Variants in ERC2 observed in about 807,000 individuals in gnomAD.
ERC2 encodes ELKS/RAB6-interacting/CAST family member 2, also known as ERC protein 2.
In ERC2, 42 loss-of-function variants were observed where a neutral mutation model predicts 114.8. That is an observed-to-expected ratio of 0.37 (90% CI 0.29 to 0.47). The LOEUF is 0.47. Among genes scored for constraint, ERC2 ranks in the 20% least tolerant of loss-of-function variants. The probability of loss-of-function intolerance (pLI) is 0.99; values close to 1 mark genes in which losing one functional copy is unlikely to be tolerated. For synonymous variants in ERC2, 454 were observed against 425.5 expected (o/e 1.07, Z -0.82); for missense variants, 939 against 1,150.7 (o/e 0.82, Z 2.66).
Position 55,510,292 on chromosome 3 carries a change from C to T in ERC2, c.*1024G>A, listed in dbSNP as rs1285173129. 1.3e-5 allele frequency: 2 copies of T among 152,310 alleles called. No homozygotes were observed. The highest frequency in any genetic ancestry group is 2.9e-5 in the Non-Finnish European group (2 of 68,004). 9.4% of individuals were successfully genotyped at this position (152,310 alleles called of 1,614,324 possible). A position where few individuals can be genotyped will look rare whatever the true frequency, so the allele number is the denominator to read the frequency against. ...AAAAAAAAAAAAAAAGAGAAATGAC[C>T]CTTCATTTACAGAAAATCTAAGCTT... is the stretch of plus-strand genomic sequence containing the variant. On this transcript the variant is annotated 3_prime_UTR_variant, in exon 18 of 18. Transcript: ENST00000288221.
chr3:56,430,327 G>A (rs946242724), intron 2 of ERC2, among the ~76,000 whole-genome samples: 1 of 152,078 alleles, frequency 6.6e-6, no homozygotes, highest in Non-Finnish European at 1.5e-5. Context: ...TATGGTAAAT[G>A]GTGAAAACCC....
At chr3:55,581,935 A>G (rs2057282322) in intron 17 of ERC2, among the ~76,000 whole-genome samples, 1 of 152,072 alleles carries the variant, frequency 6.6e-6, no homozygotes, top group Non-Finnish European at 1.5e-5. Flanking sequence ...ATACCCAAGA[A>G]CTTTGAAATA....
intron 3 of ERC2, among the ~76,000 whole-genome samples, chr3:56,263,709 C>T (rs1291575674): frequency 6.6e-6 from 1 of 152,176 alleles, no homozygotes; most frequent in East Asian, 1.9e-4. Flanking sequence ...CAGATGGCTT[C>T]ACTGCTGAAT....
intron 15 of ERC2, among the ~76,000 whole-genome samples, chr3:55,729,829 C>A: frequency 7.3e-5 from 1 of 13,736 alleles, no homozygotes; most frequent in East Asian, 2.4e-3. Context: ...TGCAGTGAGA[C>A]TCTATCGCAA....
At chr3:56,087,918 A>C (rs2077589706) in intron 6 of ERC2, among the ~76,000 whole-genome samples, 1 of 152,182 alleles carries the variant, frequency 6.6e-6, no homozygotes, top group Non-Finnish European at 1.5e-5. Flanking sequence ...AGACACAAAC[A>C]CTAAAAATAA....
intron 14 of ERC2, among the ~76,000 whole-genome samples, chr3:55,736,757 T>TTGC (rs1215822264): frequency 1.3e-5 from 2 of 152,194 alleles, no homozygotes; most frequent in African/African-American, 4.8e-5. Context: ...TTAGAATGCT[T>TTGC]TGCTTCCTGC....
At chr3:55,733,196 T>C (rs1195004973) in intron 15 of ERC2, among the ~76,000 whole-genome samples, 1 of 152,084 alleles carries the variant, frequency 6.6e-6, no homozygotes, top group Non-Finnish European at 1.5e-5. Context: ...AGAAAGACGC[T>C]CATTTTGACT....
At position 56,082,557 on chromosome 3, in the gene ERC2, T is replaced by C. The variant is rs371090346; in HGVS notation, c.1474-1573A>G. Among the ~76,000 whole-genome samples, 5 of 152,168 alleles carry C rather than the reference T, an allele frequency of 3.3e-5. No homozygotes were observed. The East Asian group carries it at 9.6e-4, about 29-fold the overall frequency. ...AAAGACACCTTAACACTTGATTGTA[T>C]GTCAAAGCCAGGGTTAGAACAATCC... On this transcript the variant is annotated intron_variant, in intron 6 of 17. Transcript: ENST00000288221.
At chr3:56,166,951 C>T (rs548367706) in intron 4 of ERC2, among the ~76,000 whole-genome samples, 25 of 152,102 alleles carry the variant, frequency 1.6e-4, no homozygotes, top group South Asian at 4.1e-4. Context: ...TGGTTTAATG[C>T]GATCTACCAC....
At chr3:56,264,221 G>A (rs1419218169) in intron 3 of ERC2, among the ~76,000 whole-genome samples, 1 of 152,092 alleles carries the variant, frequency 6.6e-6, no homozygotes, top group Non-Finnish European at 1.5e-5. Context: ...AAAACTAAAA[G>A]CTTTTTCCTT....
chr3:55,847,135 T>C (rs1366077363), intron 14 of ERC2, among the ~76,000 whole-genome samples: 1 of 152,180 alleles, frequency 6.6e-6, no homozygotes, highest in Non-Finnish European at 1.5e-5. Flanking sequence ...ACAAATAGAT[T>C]TATCAGATGT....
At chr3:55,774,152 C>A (rs1259855081) in intron 14 of ERC2, among the ~76,000 whole-genome samples, 1 of 152,176 alleles carries the variant, frequency 6.6e-6, no homozygotes, top group Non-Finnish European at 1.5e-5. Flanking sequence ...TCAGGCTAGA[C>A]TGGGTAAAAC....
At chr3:55,643,895 G>A (rs942394257) in intron 17 of ERC2, among the ~76,000 whole-genome samples, 1 of 152,150 alleles carries the variant, frequency 6.6e-6, no homozygotes, top group Non-Finnish European at 1.5e-5. Context: ...TTTGGTCTCT[G>A]AGTTTCAAGA....
chr3:55,941,234 C>T (rs2066765489), intron 13 of ERC2, among the ~76,000 whole-genome samples: 1 of 151,998 alleles, frequency 6.6e-6, no homozygotes, highest in South Asian at 2.1e-4. Flanking sequence ...CGTGTACCTG[C>T]CATGGGTGTC....
At chr3:55,685,011 G>A (rs1329860527) in intron 16 of ERC2, among the ~76,000 whole-genome samples, 2 of 152,066 alleles carry the variant, frequency 1.3e-5, no homozygotes, top group African/African-American at 4.8e-5. Context: ...CCAATATTTG[G>A]CCATTTTTAC....
Position 55,694,064 on chromosome 3 carries a change from C to G in ERC2, c.2847+5314G>C, listed in dbSNP as rs560882485. ...AAACAAAATAGGATAAAATTTACTA[C>G]AATTCCATGGGAAAGGGAAAAAGCA... On this transcript the variant is annotated intron_variant, in intron 16 of 17. Coordinates refer to ENST00000288221, the MANE Select transcript of ERC2 (RefSeq NM_015576.3). Among the ~76,000 whole-genome samples the G allele has an allele frequency of 9.2e-5, 14 of 152,258 alleles. No homozygotes were observed. The South Asian group carries it at 2.9e-3, about 32-fold the overall frequency.
chr3:55,765,111 T>C (rs886489115), intron 14 of ERC2, among the ~76,000 whole-genome samples: 1 of 152,164 alleles, frequency 6.6e-6, no homozygotes, highest in Non-Finnish European at 1.5e-5. Flanking sequence ...CTGAGTCTCC[T>C]ACAAGTCCAC....
intron 17 of ERC2, among the ~76,000 whole-genome samples, chr3:55,671,779 G>A (rs948490169): frequency 4.6e-5 from 7 of 152,112 alleles, no homozygotes; most frequent in Non-Finnish European, 1.0e-4. Flanking sequence ...CTTGGAAAAT[G>A]GCTCATCCTA....
At chr3:56,378,379 C>T (rs933514381) in intron 2 of ERC2, among the ~76,000 whole-genome samples, 38 of 132,686 alleles carry the variant, frequency 2.9e-4, no homozygotes, top group Admixed American at 2.2e-3. Context: ...AATGAGATCA[C>T]ATGGACACAG....
Sources: gnomAD v4.1 joint callset for allele counts (sites outside exome capture counted in the v4.1 genomes callset) on GRCh38, gnomAD v4.1.1 for gene constraint, MANE v1.5 for transcripts, NCBI Gene and HGNC (gene_info 2026-07-23, HGNC 2026-07-21) for gene names.